Variants in EED observed in about 807,000 individuals in gnomAD.
The protein encoded by EED is embryonic ectoderm development.
EED carries 9 observed loss-of-function variants against 61.0 expected under a neutral mutation model. The ratio of observed to expected loss-of-function variants is 0.15; its 90% confidence interval spans 0.09 to 0.26. The LOEUF is 0.26. EED is among the 10% of genes least tolerant of loss of function. EED has a pLI of 1.00. For missense variants in EED, 315 were observed against 542.3 expected (o/e 0.58, Z 4.16); for synonymous variants, 187 against 174.4 (o/e 1.07, Z -0.57).
intron 2 of EED, among the ~76,000 whole-genome samples, 184 bp downstream of exon 2, chr11:86,250,632 G>A (rs1945508276): frequency 6.6e-6 from 1 of 151,656 alleles, no homozygotes; most frequent in Non-Finnish European, 1.5e-5. Flanking sequence ...CCCATGTTTA[G>A]TTTTTTGGTT....
chr11:86,282,195 C>G (rs114625849), downstream of EED, among the ~76,000 whole-genome samples: 1 of 152,106 alleles, frequency 6.6e-6, no homozygotes, highest in Non-Finnish European at 1.5e-5. Context: ...ACCATGCTCA[C>G]CCTTTAAAAA....
At chr11:86,277,236 A>C in intron 10 of EED, 98 bp downstream of exon 10, 2 of 1,145,712 alleles carry the variant, frequency 1.7e-6, no homozygotes, top group Non-Finnish European at 2.4e-6. Flanking sequence ...TTCCTTTACA[A>C]ATCTACCCTG....
intron 10 of EED, chr11:86,277,466 A>G (rs1429078312): frequency 5.2e-6 from 1 of 192,490 alleles, no homozygotes; most frequent in African/African-American, 2.3e-5. Context: ...TTGTCAGTCT[A>G]CCTATGTAAC....
chr11:86,281,986 A>G (rs1946329394), downstream of EED, among the ~76,000 whole-genome samples: 1 of 152,238 alleles, frequency 6.6e-6, no homozygotes, highest in Non-Finnish European at 1.5e-5. Context: ...TTTATACTTG[A>G]AAGTTTCAAA....
Position 86,261,395 on chromosome 11 carries a change from C to A in EED, c.635-2777C>A, listed in dbSNP as rs982552192. Among the ~76,000 whole-genome samples, 3 of 151,832 alleles carry A rather than the reference C, an allele frequency of 2.0e-5. No homozygotes were observed. The East Asian group carries it at 5.9e-4, about 30-fold the overall frequency. On this transcript the variant is annotated intron_variant, in intron 6 of 11. Coordinates refer to ENST00000263360, the MANE Select transcript of EED (RefSeq NM_003797.5). ...GGGTGTGGAGTTTGGGCCCCAGAGG[C>A]CTTGGGCAGCCCCATCTTTATGGGT...
At chr11:86,245,378 A>G (rs774365411) in intron 1 of EED, 35 bp downstream of exon 1, 1 of 1,537,606 alleles carries the variant, frequency 6.5e-7, no homozygotes, top group Non-Finnish European at 8.9e-7. Context: ...GAGACTGCGG[A>G]GTGAAAGTTT....
intron 9 of EED, chr11:86,276,112 A>G (rs192026519): frequency 1.1e-4 from 16 of 152,258 alleles, no homozygotes; most frequent in African/African-American, 2.2e-4. Flanking sequence ...TTTCCTGTGC[A>G]TTATAAGATA....
chr11:86,276,172 AATGTCCCTTC>A (rs1354168756), intron 9 of EED: 1 of 152,160 alleles, frequency 6.6e-6, no homozygotes, highest in Non-Finnish European at 1.5e-5. Context: ...CACATTGTCA[AATGTCCCTTC>A]GTGGGCAAAC....
chr11:86,263,911 A>T, intron 6 of EED: 1 of 398,992 alleles, frequency 2.5e-6, no homozygotes, highest in South Asian at 4.4e-5. Flanking sequence ...ACCTCCCATT[A>T]GGCCCCAGCT....
intron 7 of EED, 164 bp from the exon 8 acceptor site, chr11:86,265,919 T>C (rs1816166873): frequency 4.1e-6 from 2 of 488,230 alleles, no homozygotes; most frequent in Middle Eastern, 5.4e-4. Context: ...CTGTAAATCT[T>C]GAAAGTAGTA....
chr11:86,244,772 C>T lies in EED; in HGVS notation c.-458C>T, dbSNP rs1945337481. On this transcript the variant is annotated 5_prime_UTR_variant, in exon 1 of 12. Transcript: ENST00000263360. ...TAGCCCATTCCACAGACTTTCGCTC[C>T]CTAGCAGCGGGTCGGAGATCGAAGG... The T allele has an allele frequency of 8.5e-6, 2 of 234,020 alleles. No individual in the cohort carries two copies. The highest frequency in any genetic ancestry group is 4.4e-5 in the African/African-American group (2 of 44,974). 14.5% of individuals were successfully genotyped at this position (234,020 alleles called of 1,614,324 possible).
rs748759009 is a variant in EED, at chr11:86,245,326, C to T, written c.97C>T (p.Leu33Phe). The change falls in exon 1 of 12, where the codon CTC becomes TTC. Residue 33 changes from leucine to phenylalanine, a missense_variant. By Grantham distance (22) the Leu-to-Phe change is conservative. Transcript: ENST00000263360. The stretch of plus-strand genomic sequence containing the variant: ...CAGTGACGAGAACAGCAATCCAGAC[C>T]TCTCTGGAGACGAGAATGTAAGTGC... ...LSSDENSNPD[L>F]SGDENDDAVS... 24 of 1,612,198 alleles carry T rather than the reference C, an allele frequency of 1.5e-5. No individual in the cohort carries two copies. The Admixed American group carries it at 2.5e-4, about 17-fold the overall frequency.
Position 86,277,052 on chromosome 11 carries a change from G to A in EED, c.1039G>A (p.Glu347Lys). 1 of 1,583,918 alleles carries A rather than the reference G, an allele frequency of 6.3e-7. No homozygotes were observed. The change falls in exon 10 of 12, where the codon GAA becomes AAA. Residue 347 changes from glutamate (E) to lysine (K), a missense_variant. Glu to Lys is a moderately conservative substitution (Grantham distance 56). Around this residue, in one of 2 missense-constraint regions of EED, gnomAD observed 205 missense variants for 455.4 expected, o/e 0.45. Transcript: ENST00000263360. The stretch of plus-strand genomic sequence containing the variant: ...TGATATAGATAAAATTAAACCCAGT[G>A]AATCTAATGTGACTATTCTTGGGCG... Reference protein sequence around the residue: ...EDDIDKIKPSESNVTILGRFD... With the variant: ...EDDIDKIKPSKSNVTILGRFD...
At chr11:86,249,989 A>G (rs1945489068) in intron 1 of EED, among the ~76,000 whole-genome samples, 1 of 152,234 alleles carries the variant, frequency 6.6e-6, no homozygotes, top group African/African-American at 2.4e-5. Context: ...AAAGAGCTGT[A>G]AAGATTCACT....
chr11:86,285,345 A>G, the EED span, among the ~76,000 whole-genome samples: 1 of 152,070 alleles, frequency 6.6e-6, no homozygotes, highest in South Asian at 2.1e-4. Flanking sequence ...ACTTGAGCCC[A>G]GGAGGCTGAG....
At position 86,278,369 on chromosome 11, in the gene EED, C is replaced by A. The variant is rs771523119; in HGVS notation, c.1200-30C>A. Reference sequence around the variant, plus strand: ...AGACACTGACAACGTTATGTGTGGTCTTTAACCTGTTGTCATGTTTTTTCC... The same window carrying A: ...AGACACTGACAACGTTATGTGTGGTATTTAACCTGTTGTCATGTTTTTTCC... On this transcript the variant is annotated intron_variant, in intron 11 of 11. Transcript: ENST00000263360. 18 of 1,608,040 alleles carry A rather than the reference C, an allele frequency of 1.1e-5. No homozygotes were observed. In the South Asian group the frequency reaches 1.4e-4, roughly 13 times the overall value.
rs1945352085 is a variant in EED at position 86,245,071 on chromosome 11, C to T, written c.-159C>T. On this transcript the variant is annotated 5_prime_UTR_variant, in exon 1 of 12. Transcript: ENST00000263360. ...CAGTGTGGCGGGGTCGCACGCACGC[C>T]CGCCTCGGCGGCTGGGCGCGATTTG... 2 of 566,746 alleles carry T rather than the reference C, an allele frequency of 3.5e-6. No individual in the cohort carries two copies. Among genetic ancestry groups the T allele is most frequent in the Non-Finnish European group, 6.1e-6 (2 of 329,758 alleles). The allele number at this position is 566,746 out of a possible 1,614,324, so 35.1% of individuals were successfully genotyped here.
intron 1 of EED, 100 bp from the exon 2 acceptor site, chr11:86,250,195 AT>A: frequency 8.9e-7 from 1 of 1,125,554 alleles, no homozygotes; most frequent in Non-Finnish European, 1.2e-6. Flanking sequence ...TCTTGTAGAA[AT>A]TATTTCTCTT....
intron 9 of EED, among the ~76,000 whole-genome samples, chr11:86,270,316 T>A (rs1946083792): frequency 6.6e-6 from 1 of 151,426 alleles, no homozygotes; most frequent in Admixed American, 6.6e-5. Context: ...TCTTTTCATA[T>A]CTTTTGCTCA....
Sources: allele counts gnomAD v4.1 joint callset (sites outside exome capture counted in the v4.1 genomes callset), GRCh38; gene constraint gnomAD v4.1.1; regional missense constraint gnomAD v4.1.1; transcripts MANE v1.5; gene names NCBI Gene and HGNC (gene_info 2026-07-23, HGNC 2026-07-21).